Variants in GRK3 observed in about 807,000 individuals in gnomAD.
The protein encoded by GRK3 is G protein-coupled receptor kinase 3.
GRK3 carries 54 observed loss-of-function variants against 95.7 expected under a neutral mutation model. That is an observed-to-expected ratio of 0.56 (90% CI 0.45 to 0.71). The LOEUF is 0.71. Ranked by LOEUF, GRK3 falls within the 30% of genes least tolerant of loss-of-function variation. The pLI is 0.00. For synonymous variants in GRK3, 281 were observed against 290.8 expected, an observed-to-expected ratio of 0.97 and a Z score of 0.34; for missense variants, 649 against 851.2, an observed-to-expected ratio of 0.76 and a Z score of 2.96.
At chr22:25,710,863 C>CTT (rs1387464349) in intron 16 of GRK3, among the ~76,000 whole-genome samples, 1 of 152,154 alleles carries the variant, frequency 6.6e-6, no homozygotes, top group Non-Finnish European at 1.5e-5. Context: ...TTTAATTTGT[C>CTT]TAAAATATAG....
At chr22:25,606,482 G>C (rs113830875) in intron 2 of GRK3, among the ~76,000 whole-genome samples, 2 of 152,308 alleles carry the variant, frequency 1.3e-5, no homozygotes, top group African/African-American at 4.8e-5. Flanking sequence ...GGTGGGCCAT[G>C]GTGGGAGTAA....
rs574646039 is a variant in GRK3 at position 25,579,831 on chromosome 22, T to A, written c.113+14678T>A. Among the ~76,000 whole-genome samples, 11 of 152,150 alleles carry A rather than the reference T, an allele frequency of 7.2e-5. No homozygotes were observed. In the South Asian group the frequency reaches 1.7e-3, roughly 23 times the overall value. ...TAATGTGGAAGGAATGGCGAAATTT[T>A]AAAAAAATCCCCATTTTGCAATTCT... is the stretch of plus-strand genomic sequence containing the variant. On this transcript the variant is annotated intron_variant, in intron 1 of 20. Coordinates refer to ENST00000324198, the MANE Select transcript of GRK3 (RefSeq NM_005160.4).
intron 8 of GRK3, among the ~76,000 whole-genome samples, chr22:25,674,923 G>A (rs1018412647): frequency 6.6e-6 from 1 of 152,132 alleles, no homozygotes; most frequent in African/African-American, 2.4e-5. Context: ...CTCTAGCCTG[G>A]GCAACAGAGC....
Position 25,720,932 on chromosome 22 carries a change from T to C in GRK3, c.1792-352T>C, listed in dbSNP as rs115647657. ...ACCTTTGGCTCACATAAATCATATG[T>C]GGCTCTGTTGCTTCCTCACAATGTT... On this transcript the variant is annotated intron_variant, in intron 19 of 20. Transcript: ENST00000324198. 1.4e-3 allele frequency among the ~76,000 whole-genome samples: 218 copies of C among 152,312 alleles called. 3 individuals carry two copies. The highest frequency in any genetic ancestry group is 4.6e-3 in the African/African-American group (193 of 41,562).
intron 2 of GRK3, among the ~76,000 whole-genome samples, chr22:25,608,206 CCTTT>C (rs2084467363): frequency 6.6e-6 from 1 of 152,084 alleles, no homozygotes; most frequent in Non-Finnish European, 1.5e-5. Flanking sequence ...GCACTTAACC[CCTTT>C]CTTCTTAATA....
intron 5 of GRK3, among the ~76,000 whole-genome samples, chr22:25,666,887 A>T (rs1485507354): frequency 6.6e-6 from 1 of 152,128 alleles, no homozygotes; most frequent in Non-Finnish European, 1.5e-5. Flanking sequence ...ACTGTGAAAT[A>T]TTGTCTCTTT....
chr22:25,594,666 CAGG>C (rs890262869), intron 1 of GRK3, among the ~76,000 whole-genome samples: 1 of 152,108 alleles, frequency 6.6e-6, no homozygotes, highest in Non-Finnish European at 1.5e-5. Flanking sequence ...ATCACGAGGT[CAGG>C]AGATCGAGAC....
chr22:25,709,102 A>C (rs71321059), intron 15 of GRK3, among the ~76,000 whole-genome samples: 4,671 of 151,428 alleles, frequency 0.031, 110 homozygotes, highest in Non-Finnish European at 0.052. Context: ...CAGTGGCGCA[A>C]TCTCGGTTCA....
chr22:25,672,086 A>G (rs1476681242), intron 6 of GRK3, among the ~76,000 whole-genome samples: 1 of 152,198 alleles, frequency 6.6e-6, no homozygotes, highest in Non-Finnish European at 1.5e-5. Flanking sequence ...AGCTTATGAC[A>G]ATTAAAGAAG....
chr22:25,710,045 G>C, intron 16 of GRK3, 81 bp downstream of exon 16: 2 of 1,074,998 alleles, frequency 1.9e-6, no homozygotes, highest in Non-Finnish European at 1.4e-6. Context: ...TTCTGTCTCT[G>C]TCTCTCTATG....
intron 1 of GRK3, among the ~76,000 whole-genome samples, chr22:25,590,962 G>C (rs1762755849): frequency 6.6e-6 from 1 of 152,192 alleles, no homozygotes; most frequent in Middle Eastern, 3.4e-3. Flanking sequence ...TGTCTTACCA[G>C]CTGGGCGTTC....
chr22:25,604,516 G>T (rs1019344483), intron 2 of GRK3, 63 bp downstream of exon 2: 2 of 1,176,256 alleles, frequency 1.7e-6, no homozygotes, highest in African/African-American at 3.0e-5. Context: ...CGATACTATA[G>T]TAATATATGA....
chr22:25,610,565 TC>T (rs1248537218), intron 2 of GRK3, among the ~76,000 whole-genome samples: 1 of 152,214 alleles, frequency 6.6e-6, no homozygotes, highest in Non-Finnish European at 1.5e-5. Context: ...TGTGCCCCCG[TC>T]ACCACAATAC....
At chr22:25,590,969 G>A (rs896852722) in intron 1 of GRK3, among the ~76,000 whole-genome samples, 1 of 152,072 alleles carries the variant, frequency 6.6e-6, no homozygotes, top group African/African-American at 2.4e-5. Context: ...CCAGCTGGGC[G>A]TTCTACAATT....
At chr22:25,666,497 A>T (rs1057029420) in intron 5 of GRK3, among the ~76,000 whole-genome samples, 9 of 152,228 alleles carry the variant, frequency 5.9e-5, no homozygotes, top group African/African-American at 2.2e-4. Flanking sequence ...GACAAAGTCC[A>T]TATGGTTTTC....
chr22:25,633,401 T>C (rs1601489032), intron 2 of GRK3, among the ~76,000 whole-genome samples: 1 of 152,202 alleles, frequency 6.6e-6, no homozygotes, highest in East Asian at 1.9e-4. Flanking sequence ...AGAATGGCCA[T>C]CTTACCAATA....
At chr22:25,712,587 G>A (rs2085352630) in intron 17 of GRK3, among the ~76,000 whole-genome samples, 1 of 152,224 alleles carries the variant, frequency 6.6e-6, no homozygotes, top group South Asian at 2.1e-4. Context: ...TGTAAACCAA[G>A]ATCTAGGCTT....
intron 2 of GRK3, among the ~76,000 whole-genome samples, chr22:25,611,817 T>G (rs2084499249): frequency 6.6e-6 from 1 of 150,932 alleles, no homozygotes; most frequent in Non-Finnish European, 1.5e-5. Context: ...CTTTTATGAC[T>G]CATAGTTTAG....
intron 10 of GRK3, among the ~76,000 whole-genome samples, chr22:25,686,899 A>C (rs1379748170): frequency 1.3e-5 from 2 of 152,244 alleles, no homozygotes; most frequent in Non-Finnish European, 2.9e-5. Context: ...GGCTCACTGC[A>C]ATCTCCACCT....
Sources: gnomAD v4.1 joint callset for allele counts (sites outside exome capture counted in the v4.1 genomes callset) on GRCh38, gnomAD v4.1.1 for gene constraint, MANE v1.5 for transcripts, NCBI Gene and HGNC (gene_info 2026-07-23, HGNC 2026-07-21) for gene names.